Variants in CD80 observed in about 807,000 individuals in gnomAD.
CD80 encodes the protein CD80 molecule.
A neutral mutation model predicts 27.1 loss-of-function variants in CD80; 13 were observed. That is an observed-to-expected ratio of 0.48 (90% CI 0.31 to 0.76). CD80 has a LOEUF of 0.76. Ranked by LOEUF, CD80 falls within the 30% of genes least tolerant of loss-of-function variation. CD80 has a pLI of 0.04. For missense variants in CD80, 277 were observed against 347.9 expected (o/e 0.80, Z 1.62); for synonymous variants, 125 against 125.5 (o/e 1.00, Z 0.03).
At chr3:119,556,724 C>A (rs762722901) in intron 2 of CD80, among the ~76,000 whole-genome samples, 22 of 152,160 alleles carry the variant, frequency 1.4e-4, no homozygotes, top group Non-Finnish European at 2.6e-4. Flanking sequence ...GTTTTTAAGA[C>A]AAGGACCCTT....
intron 3 of CD80, 94 bp from the exon 4 acceptor site, chr3:119,537,512 T>TTC: frequency 1.1e-6 from 1 of 912,892 alleles, no homozygotes; most frequent in Non-Finnish European, 1.6e-6. Context: ...TTAATAAGAA[T>TTC]TGATAAAGGC....
intron 4 of CD80, among the ~76,000 whole-genome samples, chr3:119,532,709 T>C (rs148712803): frequency 1.1e-4 from 16 of 152,286 alleles, no homozygotes; most frequent in African/African-American, 3.8e-4. Context: ...TAGGCTCCCA[T>C]GTATTTTCTG....
chr3:119,544,990 C>G (rs2082192986), intron 2 of CD80, 123 bp from the exon 3 acceptor site: 2 of 746,290 alleles, frequency 2.7e-6, no homozygotes, highest in Non-Finnish European at 4.3e-6. Flanking sequence ...AGTATCAATC[C>G]AGTTTGATTT....
At chr3:119,534,846 T>C (rs753359656) in intron 4 of CD80, among the ~76,000 whole-genome samples, 4 of 152,018 alleles carry the variant, frequency 2.6e-5, no homozygotes, top group African/African-American at 2.4e-5. Flanking sequence ...CAAAGTTTGG[T>C]TTATATTTGA....
At chr3:119,549,087 G>T (rs1407233605) in intron 2 of CD80, among the ~76,000 whole-genome samples, 2 of 151,992 alleles carry the variant, frequency 1.3e-5, no homozygotes, top group South Asian at 2.1e-4. Flanking sequence ...TTTCTTTCCA[G>T]GCCTGATTGA....
chr3:119,548,487 T>C (rs1358253798), intron 2 of CD80, among the ~76,000 whole-genome samples: 1 of 152,158 alleles, frequency 6.6e-6, no homozygotes, highest in Admixed American at 6.5e-5. Context: ...ATGAAAGTCA[T>C]AGTAAGGAAT....
intron 3 of CD80, among the ~76,000 whole-genome samples, chr3:119,538,896 C>A (rs1354514141): frequency 6.6e-6 from 1 of 152,154 alleles, no homozygotes; most frequent in African/African-American, 2.4e-5. Context: ...GGGGGGCAGG[C>A]ATTGAACTAT....
chr3:119,543,663 C>T (rs1156399388), intron 3 of CD80, among the ~76,000 whole-genome samples: 1 of 152,038 alleles, frequency 6.6e-6, no homozygotes, highest in Admixed American at 6.6e-5. Flanking sequence ...TGGTCTCAAA[C>T]TCCTGAGCTC....
At chr3:119,558,442 G>C (rs1160840627) in intron 1 of CD80, among the ~76,000 whole-genome samples, 1 of 152,186 alleles carries the variant, frequency 6.6e-6, no homozygotes. Flanking sequence ...GGGAAAAAAA[G>C]ACACTGCAGA....
intron 4 of CD80, among the ~76,000 whole-genome samples, chr3:119,532,211 G>T (rs1262005224): frequency 2.6e-5 from 4 of 152,096 alleles, no homozygotes; most frequent in African/African-American, 9.7e-5. Context: ...GATTTGAAAT[G>T]CCATCTGAGG....
chr3:119,524,828 G>A lies in CD80; in HGVS notation c.*960C>T, dbSNP rs1365618633. On this transcript the variant is annotated 3_prime_UTR_variant, in exon 7 of 7. Coordinates refer to ENST00000264246, the MANE Select transcript of CD80 (RefSeq NM_005191.4). ...GTCAGAAAGACCCAGAAATACCAAG[G>A]AGAAAAAGCCATCTTAGGGATCTAA... is the stretch of plus-strand genomic sequence containing the variant. The A allele has an allele frequency of 6.6e-6, 1 of 152,186 alleles. No homozygotes were observed. The highest frequency in any genetic ancestry group is 2.4e-5 in the African/African-American group (1 of 41,446). 9.4% of individuals were successfully genotyped at this position (152,186 alleles called of 1,614,324 possible). A position where few individuals can be genotyped will look rare whatever the true frequency, so the allele number is the denominator to read the frequency against.
At chr3:119,551,851 C>T (rs771466137) in intron 2 of CD80, among the ~76,000 whole-genome samples, 7 of 152,206 alleles carry the variant, frequency 4.6e-5, no homozygotes, top group Non-Finnish European at 7.3e-5. Flanking sequence ...CCAGCATCAC[C>T]ATGGTAACTG....
chr3:119,538,434 A>G (rs913587373), intron 3 of CD80, among the ~76,000 whole-genome samples: 3 of 152,214 alleles, frequency 2.0e-5, no homozygotes, highest in Non-Finnish European at 2.9e-5. Context: ...AAACACTGAC[A>G]GTAACTTAGG....
intron 3 of CD80, among the ~76,000 whole-genome samples, chr3:119,538,235 A>G (rs2082150005): frequency 6.6e-6 from 1 of 152,220 alleles, no homozygotes; most frequent in Admixed American, 6.5e-5. Context: ...TAATGGCAGA[A>G]TTCAAATCTG....
intron 5 of CD80, 128 bp downstream of exon 5, chr3:119,529,714 C>A: frequency 1.5e-6 from 1 of 653,580 alleles, no homozygotes; most frequent in South Asian, 1.9e-5. Flanking sequence ...AGGAGATGCT[C>A]ATGTTTCCAT....
intron 3 of CD80, 149 bp from the exon 4 acceptor site, chr3:119,537,567 C>T (rs150945905): frequency 8.1e-5 from 49 of 603,954 alleles, no homozygotes; most frequent in Non-Finnish European, 1.2e-4. Flanking sequence ...TTTGGGAGGC[C>T]GAGGCAGGTG....
chr3:119,537,649 T>G (rs1037526629), intron 3 of CD80, among the ~76,000 whole-genome samples: 3 of 151,766 alleles, frequency 2.0e-5, no homozygotes, highest in African/African-American at 7.3e-5. Context: ...CAAAAATACA[T>G]AAATTAACCA....
intron 2 of CD80, among the ~76,000 whole-genome samples, chr3:119,548,560 A>G (rs759193971): frequency 7.2e-5 from 11 of 152,116 alleles, no homozygotes; most frequent in Non-Finnish European, 1.6e-4. Context: ...CAAATGAGGA[A>G]ACTGAGCTGA....
At position 119,537,273 on chromosome 3, in the gene CD80, T is replaced by C. The variant is rs898559677; in HGVS notation, c.564A>G (p.Thr188=). ...NGEELNAINT[T]VSQDPETELY... ...GCTCAGTTTCAGGATCTTGGGAAAC[T>C]GTTGTGTTGATGGCATTTAATTCTT... Residue 188 remains threonine, a synonymous_variant, in exon 4 of 7, where the codon ACA becomes ACG. Transcript: ENST00000264246. 1 of 1,613,990 alleles carries C rather than the reference T, an allele frequency of 6.2e-7. No individual in the cohort carries two copies. Among genetic ancestry groups the C allele is most frequent in the African/African-American group, 1.3e-5 (1 of 74,896 alleles).
Sources: allele counts gnomAD v4.1 joint callset (sites outside exome capture counted in the v4.1 genomes callset), GRCh38; gene constraint gnomAD v4.1.1; transcripts MANE v1.5; gene names NCBI Gene and HGNC (gene_info 2026-07-23, HGNC 2026-07-21).